Variants in VSNL1 observed in about 807,000 individuals in gnomAD.
The protein encoded by VSNL1 is visinin-like protein 1.
VSNL1 carries 6 observed loss-of-function variants against 20.4 expected under a neutral mutation model. That is an observed-to-expected ratio of 0.29 (90% CI 0.16 to 0.58). The LOEUF (loss-of-function observed/expected upper bound fraction) is 0.58. Ranked by LOEUF, VSNL1 falls within the 20% of genes least tolerant of loss-of-function variation. The pLI, the probability that VSNL1 is intolerant of heterozygous loss-of-function variation, is 0.90. For missense variants in VSNL1, 100 were observed against 234.5 expected (o/e 0.43, Z 3.75); for synonymous variants, 93 against 86.4 (o/e 1.08, Z -0.42).
At chr2:17,576,429 G>A (rs1316719683) in intron 1 of VSNL1, among the ~76,000 whole-genome samples, 1 of 152,026 alleles carries the variant, frequency 6.6e-6, no homozygotes, top group Admixed American at 6.6e-5. Context: ...ACCTTCCCCT[G>A]GAATCAAAAG....
chr2:17,624,895 G>A (rs1464661573), intron 2 of VSNL1, among the ~76,000 whole-genome samples: 2 of 152,210 alleles, frequency 1.3e-5, no homozygotes, highest in Non-Finnish European at 2.9e-5. Context: ...ATAATTAAAT[G>A]AGAAAACGCC....
At chr2:17,639,934 T>C (rs1458435914) in intron 2 of VSNL1, among the ~76,000 whole-genome samples, 1 of 152,190 alleles carries the variant, frequency 6.6e-6, no homozygotes, top group East Asian at 1.9e-4. Flanking sequence ...AATTCTCCTC[T>C]ATCCTGTCCC....
chr2:17,551,678 T>C (rs1380428253), intron 1 of VSNL1, among the ~76,000 whole-genome samples: 2 of 152,118 alleles, frequency 1.3e-5, no homozygotes, highest in African/African-American at 4.8e-5. Flanking sequence ...AAGTCACCAA[T>C]GGCATAGGAG....
intron 1 of VSNL1, among the ~76,000 whole-genome samples, chr2:17,554,178 A>G (rs1663619216): frequency 6.6e-6 from 1 of 152,204 alleles, no homozygotes; most frequent in South Asian, 2.1e-4. Context: ...TCACCTCCTC[A>G]AATGCCAACT....
At chr2:17,622,596 GA>G (rs1379175869) in intron 2 of VSNL1, among the ~76,000 whole-genome samples, 2 of 128,764 alleles carry the variant, frequency 1.6e-5, no homozygotes, top group East Asian at 4.3e-4. Context: ...AAGAAAGAAA[GA>G]AAGAAAAGAA....
intron 1 of VSNL1, among the ~76,000 whole-genome samples, chr2:17,562,327 A>G (rs569096203): frequency 1.9e-4 from 29 of 152,352 alleles, no homozygotes; most frequent in African/African-American, 6.5e-4. Context: ...ATTTGCATTC[A>G]CAGACTCTTG....
At chr2:17,552,550 T>C (rs2103340509) in intron 1 of VSNL1, among the ~76,000 whole-genome samples, 1 of 152,330 alleles carries the variant, frequency 6.6e-6, no homozygotes, top group South Asian at 2.1e-4. Flanking sequence ...CAGTATTAAG[T>C]CCACTTTGTT....
intron 1 of VSNL1, among the ~76,000 whole-genome samples, chr2:17,561,753 C>T (rs983146746): frequency 1.2e-4 from 18 of 152,054 alleles, no homozygotes; most frequent in African/African-American, 4.3e-4. Context: ...GGTAGATCAT[C>T]GGGGAGCGTG....
At chr2:17,617,762 G>A (rs1026425336) in intron 2 of VSNL1, among the ~76,000 whole-genome samples, 4 of 152,130 alleles carry the variant, frequency 2.6e-5, no homozygotes, top group Non-Finnish European at 5.9e-5. Flanking sequence ...GGCAACTGCC[G>A]TTCATCCTCA....
chr2:17,617,259 C>T (rs1303358202), intron 2 of VSNL1, among the ~76,000 whole-genome samples: 1 of 152,124 alleles, frequency 6.6e-6, no homozygotes, highest in African/African-American at 2.4e-5. Flanking sequence ...CTTTGAGAGC[C>T]CAAGGTGGGC....
intron 1 of VSNL1, among the ~76,000 whole-genome samples, chr2:17,544,372 A>T (rs1036367578): frequency 6.6e-6 from 1 of 152,140 alleles, no homozygotes; most frequent in Non-Finnish European, 1.5e-5. Flanking sequence ...CAGAATACCC[A>T]TTCCAGGGTA....
intron 2 of VSNL1, among the ~76,000 whole-genome samples, chr2:17,629,690 C>A (rs747723819): frequency 6.6e-6 from 1 of 152,246 alleles, no homozygotes; most frequent in Non-Finnish European, 1.5e-5. Flanking sequence ...GCTGGAGGCA[C>A]CTCGTCCACT....
At chr2:17,605,058 G>C (rs1324467247) in intron 2 of VSNL1, among the ~76,000 whole-genome samples, 1 of 152,198 alleles carries the variant, frequency 6.6e-6, no homozygotes, top group Non-Finnish European at 1.5e-5. Flanking sequence ...GGAGCTGTGA[G>C]TTTTAGGGCA....
chr2:17,583,413 TATTA>T (rs1664396931), intron 1 of VSNL1, among the ~76,000 whole-genome samples: 1 of 152,376 alleles, frequency 6.6e-6, no homozygotes, highest in Admixed American at 6.5e-5. Context: ...AGGCTGTGAT[TATTA>T]ATGAAAGCAT....
chr2:17,581,118 C>A (rs1406771574), intron 1 of VSNL1, among the ~76,000 whole-genome samples: 1 of 152,150 alleles, frequency 6.6e-6, no homozygotes, highest in Non-Finnish European at 1.5e-5. Context: ...ATTATCTCTC[C>A]TTTTTTCTTT....
At chr2:17,627,502 C>G (rs1665540046) in intron 2 of VSNL1, among the ~76,000 whole-genome samples, 1 of 152,120 alleles carries the variant, frequency 6.6e-6, no homozygotes, top group African/African-American at 2.4e-5. Flanking sequence ...CTCTGAAAAC[C>G]TGGGGATCAG....
intron 1 of VSNL1, among the ~76,000 whole-genome samples, chr2:17,556,360 C>A (rs545924407): frequency 1.3e-5 from 2 of 152,074 alleles, no homozygotes; most frequent in Non-Finnish European, 2.9e-5. Flanking sequence ...ATTAAATATG[C>A]CAGTTCATCA....
intron 2 of VSNL1, among the ~76,000 whole-genome samples, chr2:17,625,397 T>A (rs1248816456): frequency 6.6e-6 from 1 of 152,222 alleles, no homozygotes; most frequent in Non-Finnish European, 1.5e-5. Context: ...CTCCTGAACA[T>A]ACAAATGTGA....
intron 1 of VSNL1, among the ~76,000 whole-genome samples, chr2:17,569,071 GCCGAA>G (rs2103354572): frequency 6.6e-6 from 1 of 152,218 alleles, no homozygotes; most frequent in South Asian, 2.1e-4. Flanking sequence ...ACTTTGGGAG[GCCGAA>G]ATGGGCAGAT....
Sources: allele counts gnomAD v4.1 joint callset (sites outside exome capture counted in the v4.1 genomes callset), GRCh38; gene constraint gnomAD v4.1.1; transcripts MANE v1.5; gene names NCBI Gene and HGNC (gene_info 2026-07-23, HGNC 2026-07-21).